Variants in PATJ observed in about 807,000 individuals in gnomAD.
PATJ encodes the protein inaD-like protein.
In PATJ, 190 loss-of-function variants were observed where a neutral mutation model predicts 224.9. That is an observed-to-expected ratio of 0.84 (90% CI 0.75 to 0.95). The LOEUF is 0.95. PATJ is among the 40% of genes least tolerant of loss of function. The probability of loss-of-function intolerance (pLI) is 0.00; values close to 1 mark genes in which losing one functional copy is unlikely to be tolerated. For synonymous variants in PATJ, 769 were observed against 820.3 expected, an observed-to-expected ratio of 0.94 and a Z score of 1.07; for missense variants, 2,121 against 2,270.3, an observed-to-expected ratio of 0.93 and a Z score of 1.34.
chr1:62,073,995 C>T (rs1657875894), intron 31 of PATJ, among the ~76,000 whole-genome samples: 1 of 151,770 alleles, frequency 6.6e-6, no homozygotes, highest in African/African-American at 2.4e-5. Context: ...GAGCTTTTTC[C>T]TTGCTTTTTT....
Position 62,160,940 on chromosome 1 carries a change from AG to A in PATJ, c.5539del (p.Asp1847IlefsTer4). The A allele has an allele frequency of 6.2e-7, 1 of 1,614,058 alleles. No individual in the cohort carries two copies. The highest frequency in any genetic ancestry group is 8.5e-7 in the Non-Finnish European group (1 of 1,180,006). ...CTGCAGATGACGGCCGATTAAAACG[AG>A]GGGATCAGATTTTAGCTGTTAATGG... ...AAADDGRLKR[G>X]DQILAVNGET... On this transcript the variant is annotated frameshift_variant, in exon 44 of 44. Coordinates refer to ENST00000642238, the MANE Select transcript of PATJ (RefSeq NM_001350145.3). LOFTEE classifies it high-confidence loss of function.
At chr1:61,998,177 T>A (rs2149590265) in intron 28 of PATJ, among the ~76,000 whole-genome samples, 1 of 150,428 alleles carries the variant, frequency 6.6e-6, no homozygotes, top group African/African-American at 2.5e-5. Context: ...CCTCCTAAAT[T>A]CAAGCTATTC....
At chr1:61,782,303 A>G (rs1432481739) in intron 7 of PATJ, among the ~76,000 whole-genome samples, 1 of 152,204 alleles carries the variant, frequency 6.6e-6, no homozygotes. Flanking sequence ...ATGTTAATCA[A>G]TGTAACATGC....
intron 37 of PATJ, chr1:62,120,784 A>G (rs1237333490): frequency 6.0e-6 from 1 of 167,326 alleles, no homozygotes; most frequent in Admixed American, 6.4e-5. Context: ...TACATAATAC[A>G]TTTTGGGTAA....
intron 39 of PATJ, among the ~76,000 whole-genome samples, chr1:62,123,968 G>A (rs1665405207): frequency 6.6e-6 from 1 of 152,046 alleles, no homozygotes; most frequent in Non-Finnish European, 1.5e-5. Flanking sequence ...TTTTATACAT[G>A]TTGCTAAATT....
chr1:61,871,403 G>GTACATATATATGTGTA (rs1666384197), intron 20 of PATJ, among the ~76,000 whole-genome samples: 2 of 43,982 alleles, frequency 4.5e-5, no homozygotes, highest in African/African-American at 1.6e-4. Context: ...ATATATATGT[G>GTACATATATATGTGTA]TATATATATA....
chr1:61,748,083 G>A (rs1645115267), intron 1 of PATJ, among the ~76,000 whole-genome samples: 1 of 151,804 alleles, frequency 6.6e-6, no homozygotes, highest in Admixed American at 6.6e-5. Flanking sequence ...GTTTCACCAT[G>A]TTGCTCAGGC....
intron 27 of PATJ, among the ~76,000 whole-genome samples, chr1:61,983,750 G>A (rs761425132): frequency 6.6e-6 from 1 of 152,030 alleles, no homozygotes; most frequent in Non-Finnish European, 1.5e-5. Context: ...GGAGCTCATG[G>A]AGTTTATATT....
chr1:61,787,959 AG>A lies in PATJ; in HGVS notation c.1058del (p.Gly353AlafsTer17). ...GTTGCCCTGCCTACTGTAGCCAGCAAGGGCCCTGGTTCTGTGAGTATACATA... is the reference window on the plus strand; with the variant it reads ...GTTGCCCTGCCTACTGTAGCCAGCAAGGCCCTGGTTCTGTGAGTATACATA... ...LPVALPTVAS[K>X]GPGSDSSLFE... is the part of the protein sequence containing the mutation. On this transcript the variant is annotated frameshift_variant, in exon 8 of 44. Transcript: ENST00000642238. LOFTEE classifies it high-confidence loss of function. 1.2e-6 allele frequency: 2 copies of A among 1,612,962 alleles called. No homozygotes were observed. The highest frequency in any genetic ancestry group is 2.2e-5 in the South Asian group (2 of 91,024).
intron 3 of PATJ, 110 bp from the exon 4 acceptor site, chr1:61,766,169 A>G (rs1473105881): frequency 9.9e-6 from 7 of 704,962 alleles, no homozygotes; most frequent in African/African-American, 9.4e-5. Context: ...TTTCTTTTCC[A>G]TGTATATATT....
chr1:62,012,816 A>G (rs999748700), intron 28 of PATJ, among the ~76,000 whole-genome samples: 2 of 152,110 alleles, frequency 1.3e-5, no homozygotes, highest in African/African-American at 4.8e-5. Flanking sequence ...CTAACCCTAA[A>G]TGTGTTATTT....
At chr1:61,766,540 T>C in intron 4 of PATJ, 67 bp downstream of exon 4, 1 of 1,066,660 alleles carries the variant, frequency 9.4e-7, no homozygotes, top group Non-Finnish European at 1.3e-6. Context: ...ACAAAGGAGC[T>C]TATACTCATT....
At chr1:62,080,473 A>T (rs1338596202) in intron 32 of PATJ, among the ~76,000 whole-genome samples, 1 of 152,074 alleles carries the variant, frequency 6.6e-6, no homozygotes, top group Non-Finnish European at 1.5e-5. Context: ...CTGGGATTAC[A>T]GGTGCTCACC....
At chr1:62,132,291 T>A (rs1208311366) in intron 41 of PATJ, among the ~76,000 whole-genome samples, 1 of 152,138 alleles carries the variant, frequency 6.6e-6, no homozygotes, top group African/African-American at 2.4e-5. Context: ...TATTTAAGAA[T>A]ATGGAAGCAC....
chr1:61,963,548 A>G (rs1681629369), intron 27 of PATJ, among the ~76,000 whole-genome samples: 1 of 152,124 alleles, frequency 6.6e-6, no homozygotes, highest in South Asian at 2.1e-4. Flanking sequence ...GTGAGCTGAG[A>G]TTGCGCCACT....
chr1:62,158,495 G>A (rs1041214283), intron 43 of PATJ, among the ~76,000 whole-genome samples: 21 of 148,670 alleles, frequency 1.4e-4, no homozygotes, highest in African/African-American at 4.4e-4. Flanking sequence ...CAAGGTGGGC[G>A]GATCACGAGG....
intron 27 of PATJ, among the ~76,000 whole-genome samples, chr1:61,939,513 T>A (rs1465619905): frequency 1.3e-5 from 2 of 151,802 alleles, no homozygotes; most frequent in Non-Finnish European, 2.9e-5. Flanking sequence ...AAAATCAGGT[T>A]TTTTTTGCCT....
chr1:61,819,562 T>C (rs1214218033), intron 14 of PATJ, among the ~76,000 whole-genome samples: 1 of 148,728 alleles, frequency 6.7e-6, no homozygotes, highest in Non-Finnish European at 1.5e-5. Context: ...TATAGATCAG[T>C]GGTATGCTGG....
chr1:61,847,834 T>A (rs1050296253), intron 17 of PATJ, among the ~76,000 whole-genome samples: 3 of 152,236 alleles, frequency 2.0e-5, no homozygotes, highest in African/African-American at 4.8e-5. Flanking sequence ...CAGCTAATGG[T>A]TCCTGACATG....
Sources: gnomAD v4.1 joint callset for allele counts (sites outside exome capture counted in the v4.1 genomes callset) on GRCh38, gnomAD v4.1.1 for gene constraint, MANE v1.5 for transcripts, NCBI Gene and HGNC (gene_info 2026-07-23, HGNC 2026-07-21) for gene names.